The following PEX5L variants were observed in gnomAD, a reference collection of about 807,000 sequenced individuals.
The protein encoded by PEX5L is peroxisomal biogenesis factor 5 like.
A neutral mutation model predicts 84.0 loss-of-function variants in PEX5L; 30 were observed. The ratio of observed to expected loss-of-function variants is 0.36; its 90% CI spans 0.27 to 0.48. The LOEUF (loss-of-function observed/expected upper bound fraction) is 0.48, where lower values mean the gene tolerates loss of function less well. PEX5L is among the 20% of genes least tolerant of loss of function. The pLI is 0.99. For synonymous variants in PEX5L, 270 were observed against 283.1 expected (o/e 0.95, Z 0.46); for missense variants, 533 against 754.6 (o/e 0.71, Z 3.44).
chr3:180,017,033 T>G (rs1490057510), intron 1 of PEX5L, among the ~76,000 whole-genome samples: 5 of 152,246 alleles, frequency 3.3e-5, no homozygotes, highest in Non-Finnish European at 5.9e-5. Context: ...ATTTTCATGA[T>G]GAAATTTTAT....
intron 1 of PEX5L, among the ~76,000 whole-genome samples, chr3:179,993,467 T>C (rs979009906): frequency 3.9e-5 from 6 of 152,130 alleles, no homozygotes; most frequent in East Asian, 1.9e-4. Context: ...TATTTGCATA[T>C]AACCTATGCA....
At chr3:179,964,633 GA>G (rs1782874212) in intron 2 of PEX5L, among the ~76,000 whole-genome samples, 1 of 152,096 alleles carries the variant, frequency 6.6e-6, no homozygotes, top group Non-Finnish European at 1.5e-5. Flanking sequence ...TAAAAAGTGG[GA>G]AAAGGACATG....
intron 2 of PEX5L, among the ~76,000 whole-genome samples, chr3:179,918,040 G>C (rs1188351823): frequency 6.6e-6 from 1 of 152,184 alleles, no homozygotes; most frequent in African/African-American, 2.4e-5. Flanking sequence ...CCATTTTAAA[G>C]ATGCAGAAAC....
chr3:179,954,497 C>T (rs562565112), intron 2 of PEX5L, among the ~76,000 whole-genome samples: 19 of 152,214 alleles, frequency 1.2e-4, no homozygotes, highest in Non-Finnish European at 8.8e-5. Context: ...AGCAGGTGAC[C>T]GGCAGGGGAT....
At chr3:179,891,383 T>A (rs971187750) in intron 3 of PEX5L, among the ~76,000 whole-genome samples, 14 of 152,260 alleles carry the variant, frequency 9.2e-5, no homozygotes, top group Middle Eastern at 3.4e-3. Flanking sequence ...AAGTGGGGGA[T>A]AATAGCAGGG....
At chr3:179,909,955 C>A (rs1430339021) in intron 2 of PEX5L, among the ~76,000 whole-genome samples, 1 of 152,188 alleles carries the variant, frequency 6.6e-6, no homozygotes, top group Non-Finnish European at 1.5e-5. Flanking sequence ...GCTTAAGCCA[C>A]CAATCTGTGG....
Position 179,807,796 on chromosome 3 carries a change from C to T in PEX5L, c.1554G>A (p.Leu518=). The T allele has an allele frequency of 6.2e-7, 1 of 1,614,058 alleles. No homozygotes were observed. ...CTTCCTCGCTGCGGTCTCCGTTCGC[C>T]AAGGTCGCCCCGAGGCGGTTCCATA... The part of the protein sequence containing the change: ...YSLWNRLGAT[L]ANGDRSEEAV... Residue 518 remains leucine (L), a synonymous_variant, in exon 14 of 15, where the codon TTG becomes TTA. Transcript: ENST00000467460.
At chr3:179,834,528 C>T (rs888116665) in intron 8 of PEX5L, among the ~76,000 whole-genome samples, 4 of 152,278 alleles carry the variant, frequency 2.6e-5, no homozygotes, top group South Asian at 2.1e-4. Context: ...TGGGCCCTGC[C>T]GTGGAGGCCT....
At chr3:179,919,944 G>A (rs563606051) in intron 2 of PEX5L, among the ~76,000 whole-genome samples, 59 of 152,192 alleles carry the variant, frequency 3.9e-4, no homozygotes, top group African/African-American at 1.4e-3. Context: ...CTCAAGTGAT[G>A]CACCTGCCTC....
chr3:179,818,331 G>A (rs1205216120), intron 9 of PEX5L, among the ~76,000 whole-genome samples: 1 of 151,870 alleles, frequency 6.6e-6, no homozygotes, highest in Non-Finnish European at 1.5e-5. Context: ...TGGGGTACAT[G>A]AGATATTTTG....
At chr3:179,899,966 G>C (rs1760748298) in intron 2 of PEX5L, among the ~76,000 whole-genome samples, 1 of 152,164 alleles carries the variant, frequency 6.6e-6, no homozygotes, top group Non-Finnish European at 1.5e-5. Context: ...GGTGCACAAT[G>C]ATTCCAGGTT....
intron 2 of PEX5L, among the ~76,000 whole-genome samples, chr3:179,965,992 T>C (rs967010970): frequency 7.9e-5 from 12 of 152,208 alleles, no homozygotes; most frequent in Non-Finnish European, 1.8e-4. Flanking sequence ...ATGGGATTGA[T>C]TGGACTGCAA....
intron 3 of PEX5L, among the ~76,000 whole-genome samples, chr3:179,891,680 C>T (rs1757672769): frequency 6.6e-6 from 1 of 152,034 alleles, no homozygotes; most frequent in Admixed American, 6.6e-5. Context: ...CTAAAATGGT[C>T]CAATTTTAAA....
chr3:179,921,245 G>A (rs1055417651), intron 2 of PEX5L, among the ~76,000 whole-genome samples: 3 of 152,018 alleles, frequency 2.0e-5, no homozygotes, highest in Admixed American at 1.3e-4. Flanking sequence ...GGGTAATGTG[G>A]AAAGACACAG....
At chr3:179,984,334 G>T (rs937321599) in intron 1 of PEX5L, among the ~76,000 whole-genome samples, 3 of 151,906 alleles carry the variant, frequency 2.0e-5, no homozygotes, top group Non-Finnish European at 4.4e-5. Context: ...ATAAAACAAT[G>T]TCATACATCT....
chr3:179,893,190 G>A (rs1758122279), intron 3 of PEX5L, among the ~76,000 whole-genome samples: 1 of 152,026 alleles, frequency 6.6e-6, no homozygotes, highest in South Asian at 2.1e-4. Context: ...ATTAATATTA[G>A]CTACCATATC....
intron 1 of PEX5L, among the ~76,000 whole-genome samples, chr3:179,986,923 C>T (rs1407579355): frequency 6.6e-6 from 1 of 152,094 alleles, no homozygotes; most frequent in Non-Finnish European, 1.5e-5. Flanking sequence ...GTCAACAGCT[C>T]TTTATTACTT....
chr3:179,952,088 A>G (rs1450652122), intron 2 of PEX5L, among the ~76,000 whole-genome samples: 1 of 152,202 alleles, frequency 6.6e-6, no homozygotes, highest in East Asian at 1.9e-4. Context: ...TGCTTCTGCT[A>G]CTATACTTTG....
intron 8 of PEX5L, among the ~76,000 whole-genome samples, chr3:179,824,382 A>T (rs918813809): frequency 1.3e-5 from 2 of 152,154 alleles, no homozygotes; most frequent in Non-Finnish European, 2.9e-5. Flanking sequence ...ACCAAACCAA[A>T]CCAATCCAAA....
Sources: gnomAD v4.1 joint callset for allele counts (sites outside exome capture counted in the v4.1 genomes callset) on GRCh38, gnomAD v4.1.1 for gene constraint, MANE v1.5 for transcripts, NCBI Gene and HGNC (gene_info 2026-07-23, HGNC 2026-07-21) for gene names.